Variants in SNX29 observed in about 807,000 individuals in gnomAD.
SNX29 encodes the protein sorting nexin-29.
A neutral mutation model predicts 102.1 loss-of-function variants in SNX29; 78 were observed. That is an observed-to-expected ratio of 0.76 (90% confidence interval 0.64 to 0.92). The LOEUF (loss-of-function observed/expected upper bound fraction) is 0.92, where lower values mean the gene tolerates loss of function less well. Ranked by LOEUF, SNX29 falls within the 40% of genes least tolerant of loss-of-function variation. SNX29 has a pLI of 0.00. For missense variants in SNX29, 1,280 were observed against 1,061.7 expected, an observed-to-expected ratio of 1.21 and a Z score of -2.86; for synonymous variants, 580 against 414.5, an observed-to-expected ratio of 1.40 and a Z score of -4.85.
At position 12,569,759 on chromosome 16, in the gene SNX29, C is replaced by T. The variant is rs1026285829; in HGVS notation, c.*1130C>T. ...CAGGGCTCCTCCTCCAGTGAGCTCA[C>T]ATCAGAGCACCTCACAGAGCAATAG... On this transcript the variant is annotated 3_prime_UTR_variant, in exon 21 of 21. Transcript: ENST00000566228. 18 of 230,558 alleles carry T rather than the reference C, an allele frequency of 7.8e-5. No individual in the cohort carries two copies. Among genetic ancestry groups the T allele is most frequent in the South Asian group, 1.8e-4 (1 of 5,502 alleles). 14.3% of individuals were successfully genotyped at this position (230,558 alleles called of 1,614,324 possible). A position where few individuals can be genotyped will look rare whatever the true frequency, so the allele number is the denominator to read the frequency against.
intron 14 of SNX29, among the ~76,000 whole-genome samples, chr16:12,231,111 C>T (rs1179911568): frequency 6.6e-6 from 1 of 152,116 alleles, no homozygotes; most frequent in Admixed American, 6.6e-5. Context: ...CCTCGGCCTC[C>T]CAAAGTGCTG....
chr16:12,187,900 G>A (rs1161484805), intron 13 of SNX29, among the ~76,000 whole-genome samples: 1 of 152,144 alleles, frequency 6.6e-6, no homozygotes, highest in Admixed American at 6.5e-5. Flanking sequence ...GGGACCTGAT[G>A]CAGCTGAGGG....
intron 14 of SNX29, 136 bp from the exon 15 acceptor site, chr16:12,277,797 A>AGT (rs531214290): frequency 8.9e-5 from 58 of 651,536 alleles, no homozygotes; most frequent in Non-Finnish European, 1.3e-4. Flanking sequence ...GTAGTTAGTA[A>AGT]GTGTGTGTGT....
intron 20 of SNX29, among the ~76,000 whole-genome samples, chr16:12,525,825 C>T (rs1029116850): frequency 1.3e-5 from 2 of 152,218 alleles, no homozygotes; most frequent in Admixed American, 6.5e-5. Context: ...TTTTCGCCTG[C>T]CACATGCCAG....
chr16:12,116,939 A>G (rs983855157), intron 11 of SNX29, among the ~76,000 whole-genome samples: 4 of 152,094 alleles, frequency 2.6e-5, no homozygotes, highest in Admixed American at 2.0e-4. Context: ...AACGAGGACG[A>G]ACCATGGAAA....
intron 18 of SNX29, among the ~76,000 whole-genome samples, chr16:12,463,334 C>T (rs1025983067): frequency 7.2e-5 from 11 of 152,172 alleles, no homozygotes; most frequent in African/African-American, 1.9e-4. Flanking sequence ...AAGACATACC[C>T]GAGACTGGGC....
At chr16:12,283,567 C>T (rs1483095377) in intron 15 of SNX29, among the ~76,000 whole-genome samples, 2 of 152,194 alleles carry the variant, frequency 1.3e-5, no homozygotes, top group Non-Finnish European at 2.9e-5. Context: ...GATCCACCCA[C>T]CTCAGCCTCC....
Position 12,535,009 on chromosome 16 carries a change from C to G in SNX29, c.2318+10168C>G, listed in dbSNP as rs114463784. Among the ~76,000 whole-genome samples the G allele has an allele frequency of 3.4e-3, 521 of 152,256 alleles. 3 individuals carry two copies. Among genetic ancestry groups the G allele is most frequent in the African/African-American group, 0.012 (507 of 41,554 alleles). On this transcript the variant is annotated intron_variant, in intron 20 of 20. Coordinates refer to ENST00000566228, the MANE Select transcript of SNX29 (RefSeq NM_032167.5). ...TGAAGGTTGAGAAGCCCAGACCTGG[C>G]CTGAGAAGCTGGCTCGTTGGGTCTT... is the stretch of plus-strand genomic sequence containing the variant.
At chr16:12,013,835 A>G (rs2056759847) in intron 3 of SNX29, among the ~76,000 whole-genome samples, 1 of 120,226 alleles carries the variant, frequency 8.3e-6, no homozygotes, top group Non-Finnish European at 2.0e-5. Flanking sequence ...GTATTTTAGT[A>G]GAGATGGGTT....
At chr16:12,029,254 AT>A (rs1353746693) in intron 4 of SNX29, among the ~76,000 whole-genome samples, 3 of 152,142 alleles carry the variant, frequency 2.0e-5, no homozygotes, top group Non-Finnish European at 2.9e-5. Flanking sequence ...CAATAAAATT[AT>A]GTTCACTAAA....
At chr16:12,217,658 T>G (rs975623956) in intron 14 of SNX29, among the ~76,000 whole-genome samples, 1 of 152,216 alleles carries the variant, frequency 6.6e-6, no homozygotes, top group African/African-American at 2.4e-5. Context: ...CCCATGCTTA[T>G]TTCCCCTGTA....
At chr16:12,397,138 C>T (rs948713691) in intron 16 of SNX29, among the ~76,000 whole-genome samples, 4 of 152,186 alleles carry the variant, frequency 2.6e-5, no homozygotes, top group African/African-American at 9.7e-5. Context: ...AGCAATCTGC[C>T]CACCTTGACC....
At chr16:12,527,329 A>C in intron 20 of SNX29, 1 of 528,232 alleles carries the variant, frequency 1.9e-6, no homozygotes, top group Non-Finnish European at 3.7e-6. Context: ...CTCAGCTGGA[A>C]AGCTGAGCCT....
At position 12,560,589 on chromosome 16, in the gene SNX29, C is replaced by T. The variant is rs757178619; in HGVS notation, c.2319-7917C>T. Among the ~76,000 whole-genome samples the T allele has an allele frequency of 7.2e-5, 11 of 152,288 alleles. No homozygotes were observed. The East Asian group carries it at 7.7e-4, about 11-fold the overall frequency. On this transcript the variant is annotated intron_variant, in intron 20 of 20. Transcript: ENST00000566228. The stretch of plus-strand genomic sequence containing the variant: ...ATTCCTTGGGGTCTGTCCATCTGTA[C>T]CTCTCATAAAGCAGCAAGCAACAGC...
chr16:12,472,425 G>A (rs144907308), intron 18 of SNX29, among the ~76,000 whole-genome samples: 3,457 of 151,622 alleles, frequency 0.023, 140 homozygotes, highest in African/African-American at 0.078. Context: ...AAGCTGAGGC[G>A]GGAGAATCAC....
chr16:12,385,761 C>A (rs1323235441), intron 16 of SNX29, among the ~76,000 whole-genome samples: 1 of 152,238 alleles, frequency 6.6e-6, no homozygotes, highest in African/African-American at 2.4e-5. Context: ...TGACGAGATG[C>A]CACTTGGCTT....
At chr16:12,311,835 G>A (rs147006559) in intron 15 of SNX29, among the ~76,000 whole-genome samples, 1 of 152,360 alleles carries the variant, frequency 6.6e-6, no homozygotes, top group African/African-American at 2.4e-5. Flanking sequence ...TAGTGAGAGT[G>A]TTGGTTTAAC....
intron 20 of SNX29, among the ~76,000 whole-genome samples, chr16:12,566,641 G>A (rs921941057): frequency 2.6e-5 from 4 of 152,206 alleles, no homozygotes; most frequent in Admixed American, 2.0e-4. Flanking sequence ...CCTCCTTCCA[G>A]CATCTTTGAA....
At chr16:12,035,010 C>CAA (rs1259649140) in intron 4 of SNX29, among the ~76,000 whole-genome samples, 5 of 142,326 alleles carry the variant, frequency 3.5e-5, no homozygotes, top group Non-Finnish European at 6.2e-5. Flanking sequence ...GACTCCACCT[C>CAA]AAAAAAAAAA....
Sources: allele counts gnomAD v4.1 joint callset (sites outside exome capture counted in the v4.1 genomes callset), GRCh38; gene constraint gnomAD v4.1.1; transcripts MANE v1.5; gene names NCBI Gene and HGNC (gene_info 2026-07-23, HGNC 2026-07-21).